LPA: variants seen among roughly 807,000 people sequenced by gnomAD.
LPA encodes the protein apolipoprotein(a).
In LPA, 199 loss-of-function variants were observed where a neutral mutation model predicts 197.9. That is an observed-to-expected ratio of 1.01 (90% CI 0.90 to 1.13). The LOEUF is 1.13. Ranked by LOEUF, LPA falls within the 50% of genes most tolerant of loss-of-function variation. LPA has a pLI of 0.00. For synonymous variants in LPA, 715 were observed against 639.5 expected (o/e 1.12, Z -1.78); for missense variants, 1,853 against 1,785.8 (o/e 1.04, Z -0.68).
At chr6:160,575,396 C>G (rs1241324956) in intron 28 of LPA, among the ~76,000 whole-genome samples, 1 of 152,212 alleles carries the variant, frequency 6.6e-6, no homozygotes, top group Admixed American at 6.5e-5. Context: ...ATGGATCACA[C>G]TAAATGCTTC....
rs1347580666 is a variant in LPA at position 160,578,576 on chromosome 6, A to T, written c.4418T>A (p.Leu1473His). 3 of 1,613,904 alleles carry T rather than the reference A, an allele frequency of 1.9e-6. No individual in the cohort carries two copies. Among genetic ancestry groups the T allele is most frequent in the African/African-American group, 1.3e-5 (1 of 74,916 alleles). The change falls in exon 27 of 39, where the codon CTC becomes CAC. Residue 1473 changes from leucine to histidine, a missense_variant. Physicochemically the swap from Leu to His is moderately conservative, Grantham distance 99. This residue lies in a region of LPA where 1,737 missense variants were observed against 1,504.4 expected (regional missense o/e 1.15). Coordinates refer to ENST00000316300, the MANE Select transcript of LPA (RefSeq NM_005577.4). Reference sequence around the variant, plus strand: ...AACCGGGGCCACTGTGGGAGTTGTGAGGACACTCGATTCTGTCACTGGACA... The same window carrying T: ...AACCGGGGCCACTGTGGGAGTTGTGTGGACACTCGATTCTGTCACTGGACA... ...TRCPVTESSV[L>H]TTPTVAPVPS...
At chr6:160,590,733 C>G (rs915400553) in intron 23 of LPA, among the ~76,000 whole-genome samples, 1 of 152,082 alleles carries the variant, frequency 6.6e-6, no homozygotes, top group East Asian at 1.9e-4. Context: ...AAGGTCTGCA[C>G]GCTTCCTAAA....
rs1562354260 is a variant in LPA at position 160,653,946 on chromosome 6, TATA to T, written c.50-3452_50-3450del. ...TAATAGGATATATATATATTTTATA[TATA>T]TTATATATAATATATATTATATATA... On this transcript the variant is annotated intron_variant, in intron 1 of 38. Coordinates refer to ENST00000316300, the MANE Select transcript of LPA (RefSeq NM_005577.4). Among the ~76,000 whole-genome samples the T allele has an allele frequency of 2.8e-3, 119 of 41,842 alleles. 12 individuals are homozygous for T. Among genetic ancestry groups the T allele is most frequent in the African/African-American group, 0.011 (111 of 10,168 alleles). 27.4% of individuals were successfully genotyped at this position (41,842 alleles called of 152,430 possible). A position where few individuals can be genotyped will look rare whatever the true frequency, so the allele number is the denominator to read the frequency against.
intron 26 of LPA, among the ~76,000 whole-genome samples, chr6:160,583,146 A>C (rs1031805601): frequency 6.6e-6 from 1 of 151,664 alleles, no homozygotes; most frequent in Admixed American, 6.6e-5. Flanking sequence ...TCTCCTTGCC[A>C]ATTCTGTTAT....
chr6:160,647,315 G>C (rs1562351559), intron 2 of LPA, among the ~76,000 whole-genome samples: 1 of 152,194 alleles, frequency 6.6e-6, no homozygotes, highest in Non-Finnish European at 1.5e-5. Flanking sequence ...CGGGGATCTT[G>C]AAGCATTCGC....
chr6:160,600,771 A>G, intron 19 of LPA, 146 bp downstream of exon 19: 1 of 888,336 alleles, frequency 1.1e-6, no homozygotes, highest in Non-Finnish European at 1.8e-6. Context: ...TCCCCCAGAG[A>G]GTGCGCTAAG....
At chr6:160,590,142 C>T (rs991739996) in intron 23 of LPA, among the ~76,000 whole-genome samples, 1 of 152,258 alleles carries the variant, frequency 6.6e-6, no homozygotes, top group Non-Finnish European at 1.5e-5. Context: ...AAAGCCAAAG[C>T]CTTAAGTTTC....
chr6:160,555,459 G>A (rs1421220788), intron 30 of LPA, among the ~76,000 whole-genome samples: 7 of 95,778 alleles, frequency 7.3e-5, no homozygotes, highest in African/African-American at 2.0e-4. Flanking sequence ...ATATATATGT[G>A]TGTGTATATA....
Position 160,599,563 on chromosome 6 carries a change from C to T in LPA, c.3224G>A (p.Cys1075Tyr). ...TYSTTVTGRT[C>Y]QAWSSMTPHQ... ...TGGTGTCATAGATGACCAAGCTTGG[C>T]AAGTTCTTCCTGTGACAGTGGTGGA... Residue 1075 changes from cysteine to tyrosine, a missense_variant, in exon 20 of 39, where the codon TGC (cysteine) becomes TAC (tyrosine). By Grantham distance (194) the Cys-to-Tyr change is radical (BLOSUM62 -2). Transcript: ENST00000316300. The T allele has an allele frequency of 6.2e-7, 1 of 1,614,102 alleles. No individual in the cohort carries two copies. Among genetic ancestry groups the T allele is most frequent in the Non-Finnish European group, 8.5e-7 (1 of 1,179,970 alleles).
intron 23 of LPA, among the ~76,000 whole-genome samples, chr6:160,590,599 G>A: frequency 6.6e-6 from 1 of 152,198 alleles, no homozygotes; most frequent in Non-Finnish European, 1.5e-5. Context: ...GAAATACCAG[G>A]AAAGGCTCAT....
At chr6:160,647,857 A>C (rs1470657091) in intron 2 of LPA, among the ~76,000 whole-genome samples, 1 of 152,136 alleles carries the variant, frequency 6.6e-6, no homozygotes, top group Non-Finnish European at 1.5e-5. Flanking sequence ...AAAGATATAA[A>C]CGTTTGATCA....
intron 28 of LPA, among the ~76,000 whole-genome samples, chr6:160,569,122 GA>G (rs1212416404): frequency 3.3e-5 from 5 of 152,086 alleles, no homozygotes; most frequent in Admixed American, 3.3e-4. Context: ...CACAGAATTG[GA>G]AAAAACTACT....
rs6921912 is a variant in LPA, at chr6:160,594,959, G to A, written c.3469+395C>T. Reference sequence around the variant, plus strand: ...TCAAAAACCGCATTCCTCCGAAACCGCAAAGCCAAAGATGCAATGAACACT... The same window carrying A: ...TCAAAAACCGCATTCCTCCGAAACCACAAAGCCAAAGATGCAATGAACACT... On this transcript the variant is annotated intron_variant, in intron 21 of 38. Coordinates refer to ENST00000316300, the MANE Select transcript of LPA (RefSeq NM_005577.4). 6.3e-3 allele frequency among the ~76,000 whole-genome samples: 957 copies of A among 152,242 alleles called. 14 individuals carry two copies. Among genetic ancestry groups the A allele is most frequent in the African/African-American group, 0.022 (894 of 41,556 alleles).
At chr6:160,582,634 G>A (rs146233146) in intron 26 of LPA, among the ~76,000 whole-genome samples, 11 of 152,106 alleles carry the variant, frequency 7.2e-5, no homozygotes, top group African/African-American at 2.4e-4. Context: ...TTTGATTATG[G>A]ACAATTTAAT....
In LPA at chr6:160,548,490, GA is replaced by G; in HGVS notation, c.5142del (p.Pro1715LeufsTer71). 1 of 1,614,000 alleles carries G rather than the reference GA, an allele frequency of 6.2e-7. No individual in the cohort carries two copies. The highest frequency in any genetic ancestry group is 8.5e-7 in the Non-Finnish European group (1 of 1,180,000). ...ACAGACTTCTTACCTTGTTCAGAAGGAGGCCCTAGGCTTGGAACCTGGATGA... is the reference window on the plus strand; with the variant it reads ...ACAGACTTCTTACCTTGTTCAGAAGGGGCCCTAGGCTTGGAACCTGGATGA... ...PTVIQVPSLG[P>X]PSEQDCMFGN... On this transcript the variant is annotated frameshift_variant, in exon 31 of 39. Transcript: ENST00000316300. LOFTEE classifies it high-confidence loss of function.
chr6:160,567,643 C>T (rs9364561), intron 28 of LPA, among the ~76,000 whole-genome samples: 88,464 of 151,874 alleles, frequency 0.58, 26,382 homozygotes, highest in East Asian at 0.89. Context: ...ATAACTAAGA[C>T]CAGAGCAGAA....
At chr6:160,544,631 T>C (rs879680397) in intron 33 of LPA, among the ~76,000 whole-genome samples, 5 of 152,066 alleles carry the variant, frequency 3.3e-5, no homozygotes, top group Admixed American at 3.3e-4. Flanking sequence ...TTCCCCCAGC[T>C]CAAGGTCCCT....
chr6:160,610,119 T>C (rs1299309518), intron 16 of LPA, among the ~76,000 whole-genome samples: 1 of 152,148 alleles, frequency 6.6e-6, no homozygotes, highest in Non-Finnish European at 1.5e-5. Flanking sequence ...TCTGAGCCTG[T>C]TTGTATTGCC....
Position 160,541,186 on chromosome 6 carries a change from A to G in LPA, c.5520-5T>C. ...CCACAGAAGTGCTTTCCAAACCTAG[A>G]AAGAAAACATGCCAAGGCTTTGGTC... On this transcript the variant is annotated splice_polypyrimidine_tract_variant and splice_region_variant and intron_variant, in intron 34 of 38. Coordinates refer to ENST00000316300, the MANE Select transcript of LPA (RefSeq NM_005577.4). 2 of 1,609,202 alleles carry G rather than the reference A, an allele frequency of 1.2e-6. No homozygotes were observed. The highest frequency in any genetic ancestry group is 2.2e-5 in the South Asian group (2 of 91,004).
Sources: gnomAD v4.1 joint callset for allele counts (sites outside exome capture counted in the v4.1 genomes callset) on GRCh38, gnomAD v4.1.1 for gene constraint, gnomAD v4.1.1 regional missense constraint, MANE v1.5 for transcripts, NCBI Gene and HGNC (gene_info 2026-07-23, HGNC 2026-07-21) for gene names.